Variants in SETX observed in about 807,000 individuals in gnomAD.
The protein encoded by SETX is helicase senataxin.
SETX carries 90 observed loss-of-function variants against 227.2 expected under a neutral mutation model. That is an observed-to-expected ratio of 0.40 (90% CI 0.33 to 0.47). The LOEUF (loss-of-function observed/expected upper bound fraction) is 0.47. SETX is among the 20% of genes least tolerant of loss of function. The pLI is 0.91. For synonymous variants in SETX, 1,210 were observed against 1,113.2 expected (o/e 1.09, Z -1.73); for missense variants, 3,052 against 3,181.5 (o/e 0.96, Z 0.98).
chr9:132,345,672 A>G (rs1380138449), intron 4 of SETX, among the ~76,000 whole-genome samples: 2 of 152,236 alleles, frequency 1.3e-5, no homozygotes, highest in Non-Finnish European at 2.9e-5. Flanking sequence ...TGTGATGGGT[A>G]TATCATGTTC....
chr9:132,312,367 C>T (rs963790081), intron 10 of SETX, among the ~76,000 whole-genome samples: 10 of 152,112 alleles, frequency 6.6e-5, no homozygotes, highest in African/African-American at 2.4e-4. Context: ...TCAGAAGTAC[C>T]CTTAAGGATC....
In SETX at chr9:132,349,420, T is replaced by C. The variant is rs139681694; in HGVS notation, c.9A>G (p.Thr3=). ...CACCACCTGGCGTACACCAACAACA[T>C]GTGCTCATTCTGTACCTACAGCCAG... is the stretch of plus-strand genomic sequence containing the variant. MS[T]CCWCTPGGAS... The change falls in exon 3 of 26, where the codon ACA becomes ACG. Residue 3 remains threonine (T), a synonymous_variant. Coordinates refer to ENST00000224140, the MANE Select transcript of SETX (RefSeq NM_015046.7). 5.9e-5 allele frequency: 95 copies of C among 1,614,024 alleles called. No individual in the cohort carries two copies. The East Asian group carries it at 6.7e-4, about 11-fold the overall frequency.
chr9:132,271,888 GT>G (rs375899109), intron 23 of SETX, 80 bp from the exon 24 acceptor site: 14,255 of 1,049,294 alleles, frequency 0.014, no homozygotes, highest in East Asian at 0.017. Context: ...TAGTTTTTTG[GT>G]TTTTTTTTTT....
chr9:132,316,663 G>A (rs569914555), intron 10 of SETX, among the ~76,000 whole-genome samples: 3 of 152,240 alleles, frequency 2.0e-5, no homozygotes, highest in South Asian at 4.1e-4. Flanking sequence ...TTCCTCTAAC[G>A]ATCCATCCTT....
intron 19 of SETX, chr9:132,283,040 ATCAG>A (rs1478831248): frequency 1.8e-6 from 1 of 561,258 alleles, no homozygotes; most frequent in Non-Finnish European, 3.2e-6. Context: ...GTTAGAAACC[ATCAG>A]TCATCCTCAA....
chr9:132,301,431 C>G (rs1397825627), intron 11 of SETX, among the ~76,000 whole-genome samples: 3 of 151,998 alleles, frequency 2.0e-5, no homozygotes, highest in Non-Finnish European at 4.4e-5. Context: ...TTCCAACTTT[C>G]AAAACCCCCG....
chr9:132,298,447 T>A (rs1428127882), intron 12 of SETX, 135 bp from the exon 13 acceptor site: 1 of 793,062 alleles, frequency 1.3e-6, no homozygotes, highest in African/African-American at 1.7e-5. Flanking sequence ...TAAATATTTA[T>A]GGACTGCTTC....
At chr9:132,293,981 G>A (rs569622964) in intron 15 of SETX, among the ~76,000 whole-genome samples, 7 of 152,062 alleles carry the variant, frequency 4.6e-5, no homozygotes, top group African/African-American at 1.2e-4. Context: ...CCGAGATCGC[G>A]CCACTGCACT....
In SETX at chr9:132,329,654, T is replaced by C; in HGVS notation, c.1944A>G (p.Glu648=). ...LEASSPTFSK[E]PMKVQDSVLI... ...ATACACTGTCTTGCACTTTCATTGG[T>C]TCTTTAGAAAATGTTGGGCTGGAAG... Residue 648 remains glutamate (E), a synonymous_variant, in exon 10 of 26, where the codon GAA becomes GAG. Transcript: ENST00000224140. 6.2e-7 allele frequency: 1 copy of C among 1,613,790 alleles called. No individual in the cohort carries two copies. Among genetic ancestry groups the C allele is most frequent in the Non-Finnish European group, 8.5e-7 (1 of 1,179,944 alleles).
chr9:132,269,556 C>T, intron 25 of SETX, 59 bp downstream of exon 25: 1 of 1,611,000 alleles, frequency 6.2e-7, no homozygotes, highest in East Asian at 2.2e-5. Context: ...AAAATAAGAA[C>T]AAAAACTCAA....
At chr9:132,280,013 C>T (rs1385524199) in intron 20 of SETX, among the ~76,000 whole-genome samples, 1 of 152,168 alleles carries the variant, frequency 6.6e-6, no homozygotes, top group Non-Finnish European at 1.5e-5. Flanking sequence ...AATACAAACA[C>T]CATAAGGGCA....
At chr9:132,278,996 C>T (rs920215432) in intron 20 of SETX, among the ~76,000 whole-genome samples, 4 of 152,128 alleles carry the variant, frequency 2.6e-5, no homozygotes, top group Non-Finnish European at 5.9e-5. Context: ...ATCCCTAATC[C>T]AAAAATCCAA....
rs766799023 is a variant in SETX, at chr9:132,328,570, G to T, written c.3028C>A (p.Arg1010Ser). The change falls in exon 10 of 26, where the codon CGT becomes AGT. Residue 1010 changes from arginine (R) to serine (S), a missense_variant. Arg to Ser is a moderately radical substitution (Grantham distance 110, BLOSUM62 -1). Coordinates refer to ENST00000224140, the MANE Select transcript of SETX (RefSeq NM_015046.7). ...TCTGAAATAATAATAACCTGTCCAC[G>T]GGAGGTATCTCCAACATTATTTTGG... is the stretch of plus-strand genomic sequence containing the variant. ...ANQNNVGDTS[R>S]GQVIIISDSD... 1.2e-6 allele frequency: 2 copies of T among 1,613,788 alleles called. No individual in the cohort carries two copies. Among genetic ancestry groups the T allele is most frequent in the Non-Finnish European group, 1.7e-6 (2 of 1,179,988 alleles).
chr9:132,310,652 C>G (rs1358684552), intron 11 of SETX, among the ~76,000 whole-genome samples: 2 of 152,194 alleles, frequency 1.3e-5, no homozygotes, highest in Non-Finnish European at 2.9e-5. Context: ...TGCCAAACAT[C>G]CGCTTTCTTT....
chr9:132,353,893 T>C (rs565784917), intron 1 of SETX, 138 bp from the exon 2 acceptor site: 2 of 152,386 alleles, frequency 1.3e-5, no homozygotes, highest in East Asian at 1.9e-4. Context: ...AACTTGGCTG[T>C]GGACTTCCAG....
intron 18 of SETX, among the ~76,000 whole-genome samples, chr9:132,286,044 G>A (rs549697207): frequency 4.4e-4 from 67 of 151,330 alleles, no homozygotes; most frequent in Middle Eastern, 3.4e-3. Context: ...TTAGCTGGGC[G>A]TGGTGGCACA....
Position 132,295,930 on chromosome 9 carries a change from G to C in SETX, c.6048C>G (p.Leu2016=), listed in dbSNP as rs144720103. 4.3e-6 allele frequency: 7 copies of C among 1,613,914 alleles called. No homozygotes were observed. The African/African-American group carries it at 9.3e-5, about 22-fold the overall frequency. Residue 2016 remains leucine, a synonymous_variant, in exon 15 of 26, where the codon CTC becomes CTG. Transcript: ENST00000224140. ...CAPSNAAVDE[L]MKKIILEFKE... ...TGAATTCAAGGATAATTTTTTTCAT[G>C]AGTTCATCAACAGCTGCATTGGAAG...
chr9:132,278,229 G>A lies in SETX; in HGVS notation c.6683C>T (p.Ser2228Leu), dbSNP rs764541704. The A allele has an allele frequency of 6.2e-7, 1 of 1,614,096 alleles. No homozygotes were observed. The highest frequency in any genetic ancestry group is 8.5e-7 in the Non-Finnish European group (1 of 1,180,020). ...MKAQEYGYDQ[S>L]MMARFCRLLE... is the part of the protein sequence containing the mutation. The stretch of plus-strand genomic sequence containing the variant: ...CAGTCTGCAGAAGCGAGCCATCATT[G>A]ACTGGTCGTAGCCATACTCCTGTGC... The change falls in exon 21 of 26, where the codon TCA becomes TTA. Residue 2228 changes from serine (S) to leucine (L), a missense_variant. Around this residue, in one of 10 missense-constraint regions of SETX, gnomAD observed 412 missense variants for 589.0 expected, o/e 0.70. Transcript: ENST00000224140.
chr9:132,267,195 C>A (rs2131126756), intron 25 of SETX, among the ~76,000 whole-genome samples: 1 of 152,304 alleles, frequency 6.6e-6, no homozygotes, highest in East Asian at 1.9e-4. Flanking sequence ...AGTAGTTTTT[C>A]AAGGTTTGGA....
Sources: allele counts gnomAD v4.1 joint callset (sites outside exome capture counted in the v4.1 genomes callset), GRCh38; gene constraint gnomAD v4.1.1; regional missense constraint gnomAD v4.1.1; transcripts MANE v1.5; gene names NCBI Gene and HGNC (gene_info 2026-07-23, HGNC 2026-07-21).